Variants in RASAL2 observed in about 807,000 individuals in gnomAD.
RASAL2 encodes the protein RAS protein activator like 2.
In RASAL2, 58 loss-of-function variants were observed where a neutral mutation model predicts 128.9. The ratio of observed to expected loss-of-function variants is 0.45; its 90% CI spans 0.36 to 0.56. The LOEUF (loss-of-function observed/expected upper bound fraction) is 0.56. Among genes scored for constraint, RASAL2 ranks in the 20% least tolerant of loss-of-function variants. The pLI is 0.00. For synonymous variants in RASAL2, 561 were observed against 580.8 expected, an observed-to-expected ratio of 0.97 and a Z score of 0.49; for missense variants, 1,360 against 1,601.6, an observed-to-expected ratio of 0.85 and a Z score of 2.57.
At chr1:178,254,917 C>T (rs758883548) in intron 1 of RASAL2, among the ~76,000 whole-genome samples, 1 of 151,630 alleles carries the variant, frequency 6.6e-6, no homozygotes, top group Non-Finnish European at 1.5e-5. Context: ...TTGAAATCAG[C>T]TACAGAAAAA....
At chr1:178,173,101 C>T (rs1030668435) in intron 1 of RASAL2, among the ~76,000 whole-genome samples, 1 of 152,048 alleles carries the variant, frequency 6.6e-6, no homozygotes, top group Non-Finnish European at 1.5e-5. Context: ...TTCTAACATA[C>T]GTGTCCATTT....
chr1:178,137,795 C>T (rs1043467258), intron 1 of RASAL2, among the ~76,000 whole-genome samples: 8 of 152,034 alleles, frequency 5.3e-5, no homozygotes, highest in Non-Finnish European at 1.0e-4. Flanking sequence ...TTGTTTGTGG[C>T]CAAAGAAATC....
intron 5 of RASAL2, among the ~76,000 whole-genome samples, chr1:178,430,907 T>TACACACACACACACAC (rs71297897): frequency 7.7e-4 from 103 of 134,054 alleles, no homozygotes; most frequent in African/African-American, 2.6e-3. Flanking sequence ...GGCAAAAAAG[T>TACACACACACACACAC]ACACACACAC....
chr1:178,244,297 C>T (rs1664663641), intron 1 of RASAL2, among the ~76,000 whole-genome samples: 1 of 152,052 alleles, frequency 6.6e-6, no homozygotes, highest in South Asian at 2.1e-4. Context: ...GGCTGGACTG[C>T]AGTGGTGCGA....
intron 3 of RASAL2, among the ~76,000 whole-genome samples, chr1:178,327,627 C>T (rs747301105): frequency 6.6e-6 from 1 of 152,146 alleles, no homozygotes; most frequent in African/African-American, 2.4e-5. Flanking sequence ...TCTGGGATTA[C>T]AGACATGAGC....
intron 3 of RASAL2, among the ~76,000 whole-genome samples, chr1:178,386,250 A>G (rs974479677): frequency 6.6e-6 from 1 of 152,238 alleles, no homozygotes; most frequent in South Asian, 2.1e-4. Context: ...AGGAAATGAT[A>G]GTACTCTATT....
At position 178,454,520 on chromosome 1, in the gene RASAL2, T is replaced by A. The variant is rs1677627540; in HGVS notation, c.2083T>A (p.Phe695Ile). Residue 695 changes from phenylalanine (F) to isoleucine (I), a missense_variant, in exon 12 of 18, where the codon TTT becomes ATT. Around this residue, in one of 3 missense-constraint regions of RASAL2, gnomAD observed 741 missense variants for 868.6 expected, o/e 0.85. Transcript: ENST00000367649. Reference protein sequence around the residue: ...LEHEWGGMKRFLLEISNPDTI... With the variant: ...LEHEWGGMKRILLEISNPDTI... The stretch of plus-strand genomic sequence containing the variant: ...ACATGAATGGGGTGGAATGAAGCGC[T>A]TTCTTTTGGAGATCTCTAATCCAGA... The A allele has an allele frequency of 6.2e-7, 1 of 1,613,660 alleles. No individual in the cohort carries two copies. Among genetic ancestry groups the A allele is most frequent in the African/African-American group, 1.3e-5 (1 of 74,922 alleles).
intron 1 of RASAL2, among the ~76,000 whole-genome samples, chr1:178,180,407 G>A (rs906702812): frequency 2.1e-5 from 3 of 145,590 alleles, no homozygotes; most frequent in East Asian, 2.0e-4. Context: ...ACTTTGAGAC[G>A]CCAAGGCAGG....
chr1:178,381,776 C>T lies in RASAL2; in HGVS notation c.458-8324C>T, dbSNP rs545013364. On this transcript the variant is annotated intron_variant, in intron 3 of 17. Coordinates refer to ENST00000367649, the MANE Select transcript of RASAL2 (RefSeq NM_170692.4). Reference sequence around the variant, plus strand: ...GCATATTAACAATGAGAATATATTACTAAATCAGTTACAGAAAAAGTTATA... The same window carrying T: ...GCATATTAACAATGAGAATATATTATTAAATCAGTTACAGAAAAAGTTATA... Among the ~76,000 whole-genome samples the T allele has an allele frequency of 5.9e-5, 9 of 151,712 alleles. No homozygotes were observed. In the East Asian group the frequency reaches 1.7e-3, roughly 29 times the overall value.
rs1662536466 is a variant in RASAL2, at chr1:178,192,869, G to A, written c.203-90695G>A. On this transcript the variant is annotated intron_variant, in intron 1 of 17. Transcript: ENST00000367649. ...AGAAGTCTGAAGTCCTAGGTTGTTG[G>A]CACTGCCCCTGGGGAAAGTGAGATA... Among the ~76,000 whole-genome samples, 3 of 152,196 alleles carry A rather than the reference G, an allele frequency of 2.0e-5. No individual in the cohort carries two copies. The South Asian group carries it at 6.2e-4, about 32-fold the overall frequency.
intron 1 of RASAL2, among the ~76,000 whole-genome samples, chr1:178,246,639 T>C (rs1295749341): frequency 2.0e-5 from 3 of 152,148 alleles, no homozygotes; most frequent in Non-Finnish European, 4.4e-5. Flanking sequence ...ATCCTTGTCT[T>C]GTGCTTGTTT....
chr1:178,461,843 T>G (rs1678222022), intron 14 of RASAL2, among the ~76,000 whole-genome samples: 1 of 152,214 alleles, frequency 6.6e-6, no homozygotes, highest in Non-Finnish European at 1.5e-5. Context: ...TGAAACCAAT[T>G]GGTCTTGTTT....
At chr1:178,351,088 A>T (rs1366388254) in intron 3 of RASAL2, among the ~76,000 whole-genome samples, 1 of 152,134 alleles carries the variant, frequency 6.6e-6, no homozygotes, top group Non-Finnish European at 1.5e-5. Context: ...ACCAGATCTC[A>T]TGAGAACTCA....
chr1:178,387,772 CATT>C (rs772523034), intron 3 of RASAL2, among the ~76,000 whole-genome samples: 27 of 152,140 alleles, frequency 1.8e-4, no homozygotes, highest in Non-Finnish European at 3.2e-4. Flanking sequence ...TCCAGTCTAT[CATT>C]GTTGGAAAAA....
intron 1 of RASAL2, among the ~76,000 whole-genome samples, chr1:178,116,669 G>A (rs1284976196): frequency 6.6e-6 from 1 of 151,974 alleles, no homozygotes. Context: ...GAGTGCAGTG[G>A]CACGATCTCG....
chr1:178,235,618 C>CTG (rs1163575178), intron 1 of RASAL2, among the ~76,000 whole-genome samples: 3 of 150,140 alleles, frequency 2.0e-5, no homozygotes, highest in Non-Finnish European at 4.4e-5. Context: ...GTGTGTGTGT[C>CTG]TGTGTGTGTG....
chr1:178,344,355 A>C (rs1670038446), intron 3 of RASAL2, among the ~76,000 whole-genome samples: 1 of 152,330 alleles, frequency 6.6e-6, no homozygotes, highest in African/African-American at 2.4e-5. Context: ...TAAATCCCCA[A>C]GAATGAAATA....
intron 4 of RASAL2, among the ~76,000 whole-genome samples, chr1:178,414,221 G>T (rs1425022727): frequency 6.6e-6 from 1 of 152,132 alleles, no homozygotes; most frequent in East Asian, 1.9e-4. Flanking sequence ...CTTAAATGGG[G>T]GACTATCAAT....
chr1:178,269,208 A>C (rs528849049), intron 1 of RASAL2, among the ~76,000 whole-genome samples: 1 of 152,348 alleles, frequency 6.6e-6, no homozygotes, highest in East Asian at 1.9e-4. Flanking sequence ...GCCATCTGTA[A>C]GCCAAGAAAG....
Sources: gnomAD v4.1 joint callset for allele counts (sites outside exome capture counted in the v4.1 genomes callset) on GRCh38, gnomAD v4.1.1 for gene constraint, gnomAD v4.1.1 regional missense constraint, MANE v1.5 for transcripts, NCBI Gene and HGNC (gene_info 2026-07-23, HGNC 2026-07-21) for gene names.